ASPSCR1: variants seen among roughly 807,000 people sequenced by gnomAD.
ASPSCR1 encodes tether containing UBX domain for GLUT4.
A neutral mutation model predicts 68.9 loss-of-function variants in ASPSCR1; 55 were observed. The observed-to-expected ratio is 0.80, with a 90% confidence interval of 0.64 to 1.00. The LOEUF (loss-of-function observed/expected upper bound fraction) is 1.00. Among genes scored for constraint, ASPSCR1 ranks in the 50% least tolerant of loss-of-function variants. The pLI is 0.00. For synonymous variants in ASPSCR1, 352 were observed against 332.6 expected, an observed-to-expected ratio of 1.06 and a Z score of -0.63; for missense variants, 765 against 762.2, an observed-to-expected ratio of 1.00 and a Z score of -0.04.
In ASPSCR1 at chr17:82,001,331, G is replaced by A. The variant is rs148055909; in HGVS notation, c.933+4485G>A. Among the ~76,000 whole-genome samples the A allele has an allele frequency of 1.9e-3, 296 of 152,278 alleles. 1 individual carries two copies. The highest frequency in any genetic ancestry group is 6.8e-3 in the African/African-American group (281 of 41,564). On this transcript the variant is annotated intron_variant, in intron 7 of 15. Coordinates refer to ENST00000306739, the MANE Select transcript of ASPSCR1 (RefSeq NM_024083.4). ...AGACAGGAGCCCCCACATCCGACGCGGTGCAGACTCCCATCCCTGCGGCCA... is the reference window on the plus strand; with the variant it reads ...AGACAGGAGCCCCCACATCCGACGCAGTGCAGACTCCCATCCCTGCGGCCA...
intron 7 of ASPSCR1, 130 bp downstream of exon 7, chr17:81,996,976 A>G: frequency 6.7e-7 from 1 of 1,491,534 alleles, no homozygotes; most frequent in Non-Finnish European, 8.9e-7. Context: ...GCGCAGAGGA[A>G]CCCAAACGCG....
chr17:81,993,198 C>T (rs2042226351), intron 4 of ASPSCR1, among the ~76,000 whole-genome samples: 1 of 151,796 alleles, frequency 6.6e-6, no homozygotes, highest in South Asian at 2.1e-4. Context: ...AAGTCCTGCC[C>T]TTTTTTTTGT....
rs2042467859 is a variant in ASPSCR1, at chr17:81,999,761, C to T, written c.933+2915C>T. ...TGAGGTCAGGAGTTTGCTTCCTCCT[C>T]CTCTGGCCACTTCTGAGTGAAGCAA... is the stretch of plus-strand genomic sequence containing the variant. On this transcript the variant is annotated intron_variant, in intron 7 of 15. Transcript: ENST00000306739. The surrounding 1 kb of genome is among the most constrained non-coding windows in gnomAD (Gnocchi z 4.4). 6.6e-6 allele frequency among the ~76,000 whole-genome samples: 1 copy of T among 152,226 alleles called. No individual in the cohort carries two copies. Among genetic ancestry groups the T allele is most frequent in the Non-Finnish European group, 1.5e-5 (1 of 68,036 alleles).
At chr17:81,998,989 C>T (rs972873625) in intron 7 of ASPSCR1, among the ~76,000 whole-genome samples, 1 of 152,238 alleles carries the variant, frequency 6.6e-6, no homozygotes, top group African/African-American at 2.4e-5. Flanking sequence ...CTGTGGGGTC[C>T]CTGGCCCTGT....
chr17:81,994,955 C>A, intron 5 of ASPSCR1, 77 bp downstream of exon 5: 2 of 1,438,768 alleles, frequency 1.4e-6, no homozygotes, highest in African/African-American at 1.4e-5. Flanking sequence ...TGCTGTCCCG[C>A]AGCCGTCTCC....
At chr17:81,998,732 T>C (rs1412184589) in intron 7 of ASPSCR1, among the ~76,000 whole-genome samples, 2 of 152,240 alleles carry the variant, frequency 1.3e-5, no homozygotes, top group Non-Finnish European at 2.9e-5. Flanking sequence ...CTTCATCCAG[T>C]TTGGGAATCG....
intron 5 of ASPSCR1, chr17:81,995,107 A>G (rs2042294311): frequency 5.6e-6 from 3 of 538,904 alleles, no homozygotes; most frequent in Non-Finnish European, 6.5e-6. Flanking sequence ...TCAAAGCCCA[A>G]GAGTCACAAA....
At chr17:82,004,043 G>C (rs1443220886) in intron 7 of ASPSCR1, among the ~76,000 whole-genome samples, 1 of 152,258 alleles carries the variant, frequency 6.6e-6, no homozygotes, top group Non-Finnish European at 1.5e-5. Flanking sequence ...GAAACTCTGA[G>C]GTTGGGGCCA....
Position 81,999,458 on chromosome 17 carries a change from C to T in ASPSCR1, c.933+2612C>T, listed in dbSNP as rs1445592894. On this transcript the variant is annotated intron_variant, in intron 7 of 15. Transcript: ENST00000306739. This position sits in a 1 kb window ranked among gnomAD's most constrained non-coding sequence, Gnocchi z 4.4. Reference sequence around the variant, plus strand: ...CCTGGACAACATGGCAAAACCCTGTCTCTACCAAAAATACAAAAATTAGCT... The same window carrying T: ...CCTGGACAACATGGCAAAACCCTGTTTCTACCAAAAATACAAAAATTAGCT... 6.6e-6 allele frequency among the ~76,000 whole-genome samples: 1 copy of T among 152,142 alleles called. No individual in the cohort carries two copies. Among genetic ancestry groups the T allele is most frequent in the Admixed American group, 6.5e-5 (1 of 15,272 alleles).
rs1001824915 is a variant in ASPSCR1 at position 81,990,026 on chromosome 17, C to T, written c.374+4419C>T. Among the ~76,000 whole-genome samples the T allele has an allele frequency of 3.9e-5, 6 of 152,308 alleles. No homozygotes were observed. Among genetic ancestry groups the T allele is most frequent in the South Asian group, 2.1e-4 (1 of 4,816 alleles). Reference sequence around the variant, plus strand: ...GGCTGGTCAGGTGATCAGCCCGCCTCGGCCTCCCAAAGTGCTGAGATTACA... The same window carrying T: ...GGCTGGTCAGGTGATCAGCCCGCCTTGGCCTCCCAAAGTGCTGAGATTACA... On this transcript the variant is annotated intron_variant, in intron 4 of 15. Coordinates refer to ENST00000306739, the MANE Select transcript of ASPSCR1 (RefSeq NM_024083.4). This position sits in a 1 kb window ranked among gnomAD's most constrained non-coding sequence, Gnocchi z 4.1.
intron 12 of ASPSCR1, chr17:82,015,552 G>A: frequency 1.4e-6 from 1 of 727,410 alleles, no homozygotes; most frequent in South Asian, 1.9e-5. Flanking sequence ...GTGCCTCTCT[G>A]CATCGGTGGC....
intron 7 of ASPSCR1, 53 bp from the exon 8 acceptor site, chr17:82,008,984 T>C (rs1316200594): frequency 1.4e-6 from 2 of 1,433,880 alleles, no homozygotes; most frequent in East Asian, 5.3e-5. Flanking sequence ...CAGCCCGGGG[T>C]GCGGAGGGCC....
At chr17:81,980,577 T>A (rs1448415151) in intron 2 of ASPSCR1, among the ~76,000 whole-genome samples, 1 of 152,236 alleles carries the variant, frequency 6.6e-6, no homozygotes, top group African/African-American at 2.4e-5. Flanking sequence ...AAAGGAGGGC[T>A]TTATTTCTCA....
intron 12 of ASPSCR1, chr17:82,014,790 C>T: frequency 2.0e-6 from 1 of 512,474 alleles, no homozygotes; most frequent in East Asian, 3.4e-5. Context: ...TTCCTGGCAA[C>T]ACTGAGTGGG....
At position 81,985,563 on chromosome 17, in the gene ASPSCR1, A is replaced by G. The variant is rs2041969942; in HGVS notation, c.330A>G (p.Ser110=). The stretch of plus-strand genomic sequence containing the variant: ...CGAGGTTGCAGGACTCTTTCTGTTC[A>G]GGCCAGACCCTCTGGGAGCTTCTCA... ...DGSRLQDSFC[S]GQTLWELLSH... is the part of the protein sequence containing the mutation. The change falls in exon 4 of 16, where the codon TCA becomes TCG. Residue 110 remains serine (S), a synonymous_variant. Coordinates refer to ENST00000306739, the MANE Select transcript of ASPSCR1 (RefSeq NM_024083.4). 1.2e-6 allele frequency: 2 copies of G among 1,614,024 alleles called. No individual in the cohort carries two copies. The highest frequency in any genetic ancestry group is 1.7e-6 in the Non-Finnish European group (2 of 1,180,010).
At chr17:81,995,167 T>G in intron 5 of ASPSCR1, 2 of 491,778 alleles carry the variant, frequency 4.1e-6, no homozygotes, top group Non-Finnish European at 7.1e-6. Context: ...TTGATCATTT[T>G]CAAAACCGAG....
At chr17:81,996,923 C>A in intron 7 of ASPSCR1, 77 bp downstream of exon 7, 1 of 1,514,048 alleles carries the variant, frequency 6.6e-7, no homozygotes, top group South Asian at 1.3e-5. Context: ...TTTAGCTGGT[C>A]AGCCTGGTGG....
At chr17:81,978,938 AACTCT>A (rs1231875941) in intron 1 of ASPSCR1, 1 of 577,330 alleles carries the variant, frequency 1.7e-6, no homozygotes, top group Non-Finnish European at 3.1e-6. Flanking sequence ...ACTGCAGGGG[AACTCT>A]GAGTGGAGCT....
Position 81,977,785 on chromosome 17 carries a change from C to A in ASPSCR1, c.102+37C>A. On this transcript the variant is annotated intron_variant, in intron 1 of 15. Coordinates refer to ENST00000306739, the MANE Select transcript of ASPSCR1 (RefSeq NM_024083.4). The surrounding 1 kb of genome is among the most constrained non-coding windows in gnomAD (Gnocchi z 5.0). ...CGCCCGGGGCGGACGGGTAGGCGGG[C>A]GGGGGGCGCTGCGCCGAGGCCCCGC... 8.3e-7 allele frequency: 1 copy of A among 1,204,502 alleles called. No individual in the cohort carries two copies. The highest frequency in any genetic ancestry group is 1.0e-6 in the Non-Finnish European group (1 of 968,618). 74.6% of individuals were successfully genotyped at this position (1,204,502 alleles called of 1,614,324 possible).
Sources: gnomAD v4.1 joint callset for allele counts (sites outside exome capture counted in the v4.1 genomes callset) on GRCh38, gnomAD v4.1.1 for gene constraint, Gnocchi (gnomAD v3.1) non-coding constraint, MANE v1.5 for transcripts, NCBI Gene and HGNC (gene_info 2026-07-23, HGNC 2026-07-21) for gene names.